The following TMEM131L variants were observed in gnomAD, a reference collection of about 807,000 sequenced individuals.
TMEM131L encodes the protein transmembrane 131 like, also known as transmembrane protein 131-like.
Under a neutral mutation model 192.2 loss-of-function variants are expected in TMEM131L, and 54 were observed. The ratio of observed to expected loss-of-function variants is 0.28; its 90% CI spans 0.23 to 0.35. The LOEUF (loss-of-function observed/expected upper bound fraction) is 0.35. Among genes scored for constraint, TMEM131L ranks in the 10% least tolerant of loss-of-function variants. TMEM131L has a pLI of 1.00. For synonymous variants in TMEM131L, 701 were observed against 704.9 expected, an observed-to-expected ratio of 0.99 and a Z score of 0.09; for missense variants, 1,888 against 1,972.9, an observed-to-expected ratio of 0.96 and a Z score of 0.82.
intron 3 of TMEM131L, among the ~76,000 whole-genome samples, chr4:153,549,719 G>T (rs575406835): frequency 2.0e-5 from 3 of 152,228 alleles, no homozygotes; most frequent in South Asian, 2.1e-4. Context: ...CAGTCCCCCA[G>T]GCCAACTTTA....
chr4:153,515,344 T>A (rs970025309), intron 3 of TMEM131L, among the ~76,000 whole-genome samples: 26 of 152,234 alleles, frequency 1.7e-4, no homozygotes, highest in Admixed American at 3.9e-4. Context: ...TAGAATCATG[T>A]AGCATGTGGC....
At chr4:153,545,789 A>G (rs542628652) in intron 3 of TMEM131L, among the ~76,000 whole-genome samples, 2 of 152,302 alleles carry the variant, frequency 1.3e-5, no homozygotes, top group South Asian at 2.1e-4. Flanking sequence ...AAGGTCTTCA[A>G]AATAAGGACT....
intron 7 of TMEM131L, among the ~76,000 whole-genome samples, chr4:153,566,466 T>G (rs1220448012): frequency 6.6e-6 from 1 of 151,960 alleles, no homozygotes; most frequent in African/African-American, 2.4e-5. Context: ...AGGAAAACCC[T>G]GACACAGAGT....
chr4:153,484,992 G>A (rs1353770309), intron 3 of TMEM131L, among the ~76,000 whole-genome samples: 8 of 149,784 alleles, frequency 5.3e-5, no homozygotes, highest in African/African-American at 7.3e-5. Context: ...GGTGGCGGGC[G>A]CCTGTAGTCC....
At chr4:153,568,208 A>C (rs1356570366) in intron 7 of TMEM131L, among the ~76,000 whole-genome samples, 1 of 152,150 alleles carries the variant, frequency 6.6e-6, no homozygotes, top group Non-Finnish European at 1.5e-5. Flanking sequence ...GAGGAGGGTT[A>C]GTGACTGGAA....
intron 3 of TMEM131L, among the ~76,000 whole-genome samples, chr4:153,502,491 C>T (rs1161926995): frequency 3.3e-5 from 5 of 152,178 alleles, no homozygotes; most frequent in Admixed American, 1.3e-4. Flanking sequence ...TGGGAGTTAA[C>T]ACGAAGGATC....
Position 153,531,389 on chromosome 4 carries a change from A to G in TMEM131L, c.240-18684A>G, listed in dbSNP as rs939959204. ...GGGAGGAAGTGTTTAGGAGCTACAC[A>G]TTTTTAAAGATTCCACTACAGAGGA... On this transcript the variant is annotated intron_variant, in intron 3 of 34. Coordinates refer to ENST00000409959, the MANE Select transcript of TMEM131L (RefSeq NM_001131007.2). Among the ~76,000 whole-genome samples the G allele has an allele frequency of 5.9e-5, 9 of 152,280 alleles. No individual in the cohort carries two copies. In the South Asian group the frequency reaches 6.2e-4, roughly 11 times the overall value.
At chr4:153,502,772 G>A (rs1392324937) in intron 3 of TMEM131L, among the ~76,000 whole-genome samples, 1 of 152,174 alleles carries the variant, frequency 6.6e-6, no homozygotes, top group Non-Finnish European at 1.5e-5. Context: ...TAGAGCATTT[G>A]GTGTTTATAA....
At chr4:153,622,055 C>G (rs947307555) in intron 28 of TMEM131L, among the ~76,000 whole-genome samples, 1 of 152,204 alleles carries the variant, frequency 6.6e-6, no homozygotes, top group Non-Finnish European at 1.5e-5. Context: ...GTGCTGCCCC[C>G]CAGCCCCCCA....
At chr4:153,549,521 T>C (rs992644007) in intron 3 of TMEM131L, among the ~76,000 whole-genome samples, 15 of 152,242 alleles carry the variant, frequency 9.9e-5, no homozygotes, top group Admixed American at 9.8e-4. Context: ...TTCTGCTATA[T>C]TGATTTGTGC....
intron 3 of TMEM131L, among the ~76,000 whole-genome samples, chr4:153,529,705 G>A (rs971486922): frequency 6.6e-6 from 1 of 152,184 alleles, no homozygotes; most frequent in African/African-American, 2.4e-5. Flanking sequence ...TATACTCTCT[G>A]GTCTGAATCC....
intron 26 of TMEM131L, among the ~76,000 whole-genome samples, chr4:153,617,985 A>G (rs768302504): frequency 1.3e-5 from 2 of 151,476 alleles, no homozygotes; most frequent in Non-Finnish European, 2.9e-5. Context: ...TATCAACTCT[A>G]TCAAATATTG....
chr4:153,529,752 C>G (rs1240961256), intron 3 of TMEM131L, among the ~76,000 whole-genome samples: 3 of 152,218 alleles, frequency 2.0e-5, no homozygotes, highest in Admixed American at 1.3e-4. Context: ...TCAAACACCT[C>G]CCTTTTTCTC....
intron 33 of TMEM131L, 195 bp downstream of exon 33, chr4:153,634,475 G>T: frequency 1.9e-6 from 1 of 521,320 alleles, no homozygotes; most frequent in Non-Finnish European, 3.4e-6. Context: ...CCCTCAAAAA[G>T]CCCTCAATTT....
At position 153,592,184 on chromosome 4, in the gene TMEM131L, G is replaced by C. The variant is rs186124631; in HGVS notation, c.1813-291G>C. ...TATATGTAGATCAAGTGTTTTCAGA[G>C]ATCCCACTGTCATACTTTCCAGCAT... On this transcript the variant is annotated intron_variant, in intron 17 of 34. Transcript: ENST00000409959. Among the ~76,000 whole-genome samples, 726 of 151,324 alleles carry C rather than the reference G, an allele frequency of 4.8e-3. 4 individuals are homozygous for C. Among genetic ancestry groups the C allele is most frequent in the Non-Finnish European group, 5.8e-3 (391 of 67,920 alleles).
chr4:153,618,433 C>G (rs1402774068), intron 26 of TMEM131L, among the ~76,000 whole-genome samples: 4 of 146,598 alleles, frequency 2.7e-5, no homozygotes, highest in African/African-American at 1.0e-4. Flanking sequence ...CAATGATTGC[C>G]TCACTGCACT....
chr4:153,482,833 C>A (rs1732041677), intron 3 of TMEM131L, among the ~76,000 whole-genome samples: 1 of 152,142 alleles, frequency 6.6e-6, no homozygotes, highest in South Asian at 2.1e-4. Context: ...TCAAGCAGTC[C>A]TCTTGTCTCA....
At chr4:153,489,093 G>A (rs1732579466) in intron 3 of TMEM131L, among the ~76,000 whole-genome samples, 1 of 152,204 alleles carries the variant, frequency 6.6e-6, no homozygotes, top group African/African-American at 2.4e-5. Flanking sequence ...GACATATCAT[G>A]TTGGGGTTGG....
intron 11 of TMEM131L, among the ~76,000 whole-genome samples, chr4:153,584,581 A>G (rs1294769563): frequency 6.6e-6 from 1 of 152,196 alleles, no homozygotes; most frequent in Non-Finnish European, 1.5e-5. Flanking sequence ...TTACTCTGCC[A>G]AGTGAGCTTC....
Sources: allele counts gnomAD v4.1 joint callset (sites outside exome capture counted in the v4.1 genomes callset), GRCh38; gene constraint gnomAD v4.1.1; transcripts MANE v1.5; gene names NCBI Gene and HGNC (gene_info 2026-07-23, HGNC 2026-07-21).